Variants in ARID1B observed in about 807,000 individuals in gnomAD.
ARID1B encodes AT-rich interaction domain 1B.
A neutral mutation model predicts 212.3 loss-of-function variants in ARID1B; 30 were observed. The observed-to-expected ratio is 0.14, with a 90% CI of 0.11 to 0.19. The LOEUF is 0.19. Ranked by LOEUF, ARID1B falls within the 10% of genes least tolerant of loss-of-function variation. The probability of loss-of-function intolerance (pLI) is 1.00; values close to 1 mark genes in which losing one functional copy is unlikely to be tolerated. For missense variants in ARID1B, 2,891 were observed against 3,204.0 expected, an observed-to-expected ratio of 0.90 and a Z score of 2.36; for synonymous variants, 1,402 against 1,301.7, an observed-to-expected ratio of 1.08 and a Z score of -1.66.
chr6:157,204,454 C>A (rs891102791), intron 19 of ARID1B: 1 of 156,420 alleles, frequency 6.4e-6, no homozygotes, highest in African/African-American at 2.4e-5. Context: ...ATTTTATATT[C>A]TATACATTTA....
intron 4 of ARID1B, among the ~76,000 whole-genome samples, chr6:157,018,890 A>G (rs1780063105): frequency 8.5e-6 from 1 of 118,102 alleles, no homozygotes; most frequent in African/African-American, 2.7e-5. Context: ...CATTCCAACC[A>G]TGGGGGGTCA....
chr6:157,093,703 G>C (rs1785429363), intron 5 of ARID1B, among the ~76,000 whole-genome samples: 1 of 152,248 alleles, frequency 6.6e-6, no homozygotes, highest in Admixed American at 6.5e-5. Flanking sequence ...TGAATGCCAA[G>C]AGTGTGACCT....
intron 4 of ARID1B, among the ~76,000 whole-genome samples, chr6:157,075,907 G>C (rs544311497): frequency 6.6e-6 from 1 of 152,198 alleles, no homozygotes. Flanking sequence ...GAGACACGGC[G>C]AGTCATTGTA....
At chr6:156,893,759 A>C (rs1240441944) in intron 2 of ARID1B, among the ~76,000 whole-genome samples, 1 of 152,194 alleles carries the variant, frequency 6.6e-6, no homozygotes, top group Non-Finnish European at 1.5e-5. Flanking sequence ...AGTACAGCTG[A>C]TATTTAATAT....
chr6:156,981,333 T>G (rs1216557644), intron 4 of ARID1B, among the ~76,000 whole-genome samples: 2 of 152,176 alleles, frequency 1.3e-5, no homozygotes, highest in Non-Finnish European at 2.9e-5. Context: ...ACATCGAGTA[T>G]ATAGAATTAA....
chr6:156,975,630 T>TTTTTTTTTC (rs1562522464), intron 4 of ARID1B, among the ~76,000 whole-genome samples: 1 of 149,202 alleles, frequency 6.7e-6, no homozygotes, highest in African/African-American at 2.5e-5. Context: ...TTTTTTTTTT[T>TTTTTTTTTC]CAGTTCCTTA....
At chr6:157,018,734 AT>A (rs1159753355) in intron 4 of ARID1B, among the ~76,000 whole-genome samples, 1 of 152,126 alleles carries the variant, frequency 6.6e-6, no homozygotes, top group Non-Finnish European at 1.5e-5. Flanking sequence ...TTTTCTATGG[AT>A]TTTTGCAGGT....
At chr6:157,055,304 T>G (rs1782881426) in intron 4 of ARID1B, among the ~76,000 whole-genome samples, 1 of 152,234 alleles carries the variant, frequency 6.6e-6, no homozygotes, top group Admixed American at 6.5e-5. Flanking sequence ...CATCTTATTT[T>G]TATGCCTTTG....
chr6:157,041,954 T>C (rs898098608), intron 4 of ARID1B, among the ~76,000 whole-genome samples: 3 of 152,148 alleles, frequency 2.0e-5, no homozygotes, highest in South Asian at 4.1e-4. Flanking sequence ...TTTGACCTAA[T>C]GGACTTCTTC....
intron 4 of ARID1B, among the ~76,000 whole-genome samples, chr6:157,021,667 CG>C (rs2128475330): frequency 6.6e-6 from 1 of 152,226 alleles, no homozygotes; most frequent in East Asian, 1.9e-4. Context: ...AAGGAGGCGC[CG>C]GCCGCAGCCA....
chr6:156,879,499 A>G (rs534422536), intron 2 of ARID1B, among the ~76,000 whole-genome samples: 1 of 152,332 alleles, frequency 6.6e-6, no homozygotes, highest in African/African-American at 2.4e-5. Flanking sequence ...TGTGAATTGC[A>G]TATTTGTTTC....
At chr6:157,037,427 G>A (rs972372691) in intron 4 of ARID1B, among the ~76,000 whole-genome samples, 1 of 152,136 alleles carries the variant, frequency 6.6e-6, no homozygotes, top group South Asian at 2.1e-4. Context: ...GCTGCGAGTC[G>A]GGTGGAGTGG....
At chr6:157,056,413 G>A (rs1052726407) in intron 4 of ARID1B, among the ~76,000 whole-genome samples, 35 of 152,324 alleles carry the variant, frequency 2.3e-4, no homozygotes, top group Admixed American at 2.1e-3. Context: ...CTTTAACAGA[G>A]CTATCCATCA....
intron 3 of ARID1B, among the ~76,000 whole-genome samples, chr6:156,907,832 T>C (rs1000501009): frequency 6.8e-6 from 1 of 146,912 alleles, no homozygotes; most frequent in Non-Finnish European, 1.5e-5. Flanking sequence ...TGCTTGAACC[T>C]GGGAGGCAGA....
intron 1 of ARID1B, among the ~76,000 whole-genome samples, chr6:156,797,340 C>T (rs1192387657): frequency 6.6e-6 from 1 of 152,140 alleles, no homozygotes; most frequent in Non-Finnish European, 1.5e-5. Context: ...GGAACATTTT[C>T]AAAAATTGGT....
intron 4 of ARID1B, among the ~76,000 whole-genome samples, chr6:157,057,064 G>A (rs940551452): frequency 7.3e-5 from 11 of 151,214 alleles, no homozygotes; most frequent in Admixed American, 2.0e-4. Flanking sequence ...GTGCAGTGGC[G>A]TGGCTCACTG....
intron 2 of ARID1B, among the ~76,000 whole-genome samples, chr6:156,855,785 T>C (rs759355992): frequency 6.6e-5 from 10 of 152,156 alleles, no homozygotes; most frequent in Admixed American, 3.9e-4. Flanking sequence ...GATGGGAATA[T>C]GGAATTCAGT....
intron 4 of ARID1B, among the ~76,000 whole-genome samples, chr6:156,996,477 T>TA (rs945972247): frequency 1.1e-4 from 16 of 152,140 alleles, no homozygotes; most frequent in Non-Finnish European, 1.5e-5. Context: ...AGAAGGTGAG[T>TA]CATGGCTCTG....
intron 1 of ARID1B, among the ~76,000 whole-genome samples, chr6:156,802,914 A>G (rs1780888210): frequency 6.6e-6 from 1 of 152,210 alleles, no homozygotes; most frequent in South Asian, 2.1e-4. Flanking sequence ...TATGTTTCAC[A>G]GTTTTATTAT....
Sources: allele counts gnomAD v4.1 joint callset (sites outside exome capture counted in the v4.1 genomes callset), GRCh38; gene constraint gnomAD v4.1.1; transcripts MANE v1.5; gene names NCBI Gene and HGNC (gene_info 2026-07-23, HGNC 2026-07-21).